TOM1: variants seen among roughly 807,000 people sequenced by gnomAD.
TOM1 encodes the protein target of myb1 membrane trafficking protein.
Under a neutral mutation model 61.3 loss-of-function variants are expected in TOM1, and 38 were observed. The observed-to-expected ratio is 0.62, with a 90% CI of 0.48 to 0.81. The LOEUF is 0.81. TOM1 is among the 40% of genes least tolerant of loss of function. The probability of loss-of-function intolerance (pLI) is 0.00; values close to 1 mark genes in which losing one functional copy is unlikely to be tolerated. For synonymous variants in TOM1, 270 were observed against 268.8 expected (o/e 1.00, Z -0.04); for missense variants, 591 against 659.6 (o/e 0.90, Z 1.14).
chr22:35,308,081 G>A (rs559603709), intron 1 of TOM1, among the ~76,000 whole-genome samples: 4 of 152,270 alleles, frequency 2.6e-5, no homozygotes, highest in Non-Finnish European at 5.9e-5. Flanking sequence ...TTGGCCAGCA[G>A]GCTCCCCTTG....
Position 35,333,399 on chromosome 22 carries a change from A to G in TOM1, c.934-5A>G. The G allele has an allele frequency of 6.2e-7, 1 of 1,613,608 alleles. No homozygotes were observed. The highest frequency in any genetic ancestry group is 8.5e-7 in the Non-Finnish European group (1 of 1,179,768). On this transcript the variant is annotated splice_region_variant and splice_polypyrimidine_tract_variant and intron_variant, in intron 9 of 14. Coordinates refer to ENST00000449058, the MANE Select transcript of TOM1 (RefSeq NM_005488.3). ...GGATGATCAGGGCATCTCCCTTCCC[A>G]CCAGGCCCCAAGTGAGGCCGAGCCG...
chr22:35,323,202 A>G lies in TOM1; in HGVS notation c.366+25A>G. ...GGTGAGTGCCAGGACAGGGCAGGGC[A>G]CGGCCAGGAAGAGCTGTCAGTGCAG... is the stretch of plus-strand genomic sequence containing the variant. On this transcript the variant is annotated intron_variant, in intron 4 of 14. Coordinates refer to ENST00000449058, the MANE Select transcript of TOM1 (RefSeq NM_005488.3). This position sits in a 1 kb window ranked among gnomAD's most constrained non-coding sequence, Gnocchi z 4.2. 1.9e-6 allele frequency: 3 copies of G among 1,611,032 alleles called. No individual in the cohort carries two copies. Among genetic ancestry groups the G allele is most frequent in the Non-Finnish European group, 2.5e-6 (3 of 1,179,806 alleles).
chr22:35,341,082 G>A lies in TOM1; in HGVS notation c.1224+2294G>A, dbSNP rs139285675. On this transcript the variant is annotated intron_variant, in intron 12 of 14. Coordinates refer to ENST00000449058, the MANE Select transcript of TOM1 (RefSeq NM_005488.3). ...CAGTCAGAGACTCCAGTCCTTTTTC[G>A]GGTGTAAGCCATCATTTGCTGAGCC... Among the ~76,000 whole-genome samples, 1,217 of 152,258 alleles carry A rather than the reference G, an allele frequency of 8.0e-3. 6 individuals are homozygous for A. The highest frequency in any genetic ancestry group is 0.013 in the Non-Finnish European group (864 of 68,010).
At chr22:35,309,910 G>A (rs1032350996) in intron 1 of TOM1, among the ~76,000 whole-genome samples, 1 of 152,184 alleles carries the variant, frequency 6.6e-6, no homozygotes, top group African/African-American at 2.4e-5. Flanking sequence ...TTCCATCTCT[G>A]TGGCCAGAAG....
chr22:35,330,158 C>A (rs902635051), intron 7 of TOM1, among the ~76,000 whole-genome samples, 189 bp from the exon 8 acceptor site: 5 of 152,170 alleles, frequency 3.3e-5, no homozygotes, highest in Non-Finnish European at 7.3e-5. Context: ...GTGGCAGACG[C>A]CTGTAGTCCC....
At chr22:35,310,705 T>C (rs1387482499) in intron 1 of TOM1, among the ~76,000 whole-genome samples, 1 of 152,214 alleles carries the variant, frequency 6.6e-6, no homozygotes, top group Non-Finnish European at 1.5e-5. Context: ...GCCTCATCTT[T>C]CATTCAGTCA....
chr22:35,309,838 G>T, intron 1 of TOM1, among the ~76,000 whole-genome samples: 1 of 152,098 alleles, frequency 6.6e-6, no homozygotes, highest in Non-Finnish European at 1.5e-5. Flanking sequence ...AGTACCAACT[G>T]TCTGTGTCTC....
chr22:35,299,844 T>A, upstream of TOM1: 1 of 1,478,432 alleles, frequency 6.8e-7, no homozygotes, highest in Non-Finnish European at 9.2e-7. Context: ...CTCGCCGGCC[T>A]CCGAGTGCGT....
rs767441363 is a variant in TOM1, at chr22:35,327,251, C to T, written c.649-20C>T. On this transcript the variant is annotated intron_variant, in intron 6 of 14. Coordinates refer to ENST00000449058, the MANE Select transcript of TOM1 (RefSeq NM_005488.3). ...CCCAGAACCCTGGCTTCTCTCACCA[C>T]GATCAACTGTGTGTTTCAGATTGGG... The T allele has an allele frequency of 1.9e-5, 31 of 1,608,776 alleles. No individual in the cohort carries two copies. Among genetic ancestry groups the T allele is most frequent in the East Asian group, 1.6e-4 (7 of 44,858 alleles).
At chr22:35,329,203 G>A (rs1928604852) in intron 7 of TOM1, among the ~76,000 whole-genome samples, 1 of 152,178 alleles carries the variant, frequency 6.6e-6, no homozygotes, top group South Asian at 2.1e-4. Context: ...TGATCCACCC[G>A]CCTCGGCCTC....
At chr22:35,320,987 G>GAAAAAAGAAAAAAA (rs1555893930) in intron 2 of TOM1, among the ~76,000 whole-genome samples, 1 of 88,914 alleles carries the variant, frequency 1.1e-5, no homozygotes, top group African/African-American at 3.5e-5. Flanking sequence ...GTCTCAGAAG[G>GAAAAAAGAAAAAAA]AAAAAAAAAA....
At position 35,323,020 on chromosome 22, in the gene TOM1, C is replaced by T. The variant is rs768878996; in HGVS notation, c.217-8C>T. 6.8e-6 allele frequency: 11 copies of T among 1,613,688 alleles called. 1 individual carries two copies. The South Asian group carries it at 1.2e-4, about 18-fold the overall frequency. On this transcript the variant is annotated splice_polypyrimidine_tract_variant and splice_region_variant and intron_variant, in intron 3 of 14. Transcript: ENST00000449058. The surrounding 1 kb of genome is among the most constrained non-coding windows in gnomAD (Gnocchi z 4.2). ...CAAGGTGCTCGACGGCACCTCTCGG[C>T]CCTCCAGGTCTTAGAAACCTGTGTC...
chr22:35,340,913 G>A (rs1352117791), intron 12 of TOM1, among the ~76,000 whole-genome samples: 1 of 152,212 alleles, frequency 6.6e-6, no homozygotes, highest in Non-Finnish European at 1.5e-5. Context: ...GGACGCTGGG[G>A]TGGGCCATCT....
intron 8 of TOM1, chr22:35,331,555 C>A (rs1928846241): frequency 1.6e-5 from 5 of 320,456 alleles, no homozygotes; most frequent in South Asian, 1.2e-4. Context: ...GGGGGAGGAG[C>A]AGTTCCTCTA....
chr22:35,340,347 G>A (rs907720484), intron 12 of TOM1, among the ~76,000 whole-genome samples: 10 of 152,174 alleles, frequency 6.6e-5, no homozygotes, highest in Admixed American at 1.3e-4. Flanking sequence ...ACCTCAGCGC[G>A]GCTAGGAGCG....
intron 1 of TOM1, among the ~76,000 whole-genome samples, chr22:35,310,829 G>A (rs1347003302): frequency 4.6e-5 from 7 of 152,212 alleles, no homozygotes; most frequent in African/African-American, 1.7e-4. Context: ...ACTCCTGGGA[G>A]AGAGAGATGT....
chr22:35,307,206 C>T (rs756245541), intron 1 of TOM1, among the ~76,000 whole-genome samples: 2 of 152,160 alleles, frequency 1.3e-5, no homozygotes, highest in South Asian at 4.1e-4. Context: ...TGATTTGTGT[C>T]TACCCCCATG....
intron 10 of TOM1, 44 bp from the exon 11 acceptor site, chr22:35,334,283 CA>C (rs754571706): frequency 6.3e-7 from 1 of 1,585,212 alleles, no homozygotes. Flanking sequence ...AGCTCACACA[CA>C]AGCTTGTGGA....
chr22:35,299,809 G>C, upstream of TOM1: 2 of 1,154,896 alleles, frequency 1.7e-6, no homozygotes, highest in Non-Finnish European at 2.5e-6. Context: ...CGAGCTTCGC[G>C]GTGCCACCGC....
Sources: gnomAD v4.1 joint callset for allele counts (sites outside exome capture counted in the v4.1 genomes callset) on GRCh38, gnomAD v4.1.1 for gene constraint, Gnocchi (gnomAD v3.1) non-coding constraint, MANE v1.5 for transcripts, NCBI Gene and HGNC (gene_info 2026-07-23, HGNC 2026-07-21) for gene names.